Variants in SIPA1L3 observed in about 807,000 individuals in gnomAD.
The protein encoded by SIPA1L3 is signal-induced proliferation-associated 1-like protein 3.
A neutral mutation model predicts 150.1 loss-of-function variants in SIPA1L3; 59 were observed. That is an observed-to-expected ratio of 0.39 (90% CI 0.32 to 0.49). The LOEUF is 0.49. Among genes scored for constraint, SIPA1L3 ranks in the 20% least tolerant of loss-of-function variants. The pLI, the probability that SIPA1L3 is intolerant of heterozygous loss-of-function variation, is 0.86. For synonymous variants in SIPA1L3, 1,070 were observed against 1,077.6 expected (o/e 0.99, Z 0.14); for missense variants, 2,211 against 2,489.5 (o/e 0.89, Z 2.38).
intron 1 of SIPA1L3, among the ~76,000 whole-genome samples, chr19:38,022,812 G>T (rs8108521): frequency 0.047 from 7,112 of 152,338 alleles, 219 homozygotes; most frequent in African/African-American, 0.086. Flanking sequence ...AACCCAGAAA[G>T]AATTTGCACA....
At chr19:37,956,632 C>T (rs11667246) in intron 1 of SIPA1L3, among the ~76,000 whole-genome samples, 22,783 of 151,734 alleles carry the variant, frequency 0.15, 1,925 homozygotes, top group Middle Eastern at 0.28. Flanking sequence ...TACATGCACA[C>T]GCCACCATGC....
chr19:37,989,330 C>G (rs1967440435), intron 1 of SIPA1L3, among the ~76,000 whole-genome samples: 1 of 152,138 alleles, frequency 6.6e-6, no homozygotes, highest in East Asian at 1.9e-4. Flanking sequence ...AACCATCCTC[C>G]CACCTCAGCC....
At chr19:37,921,028 G>C (rs1249946027) in intron 1 of SIPA1L3, among the ~76,000 whole-genome samples, 5 of 152,174 alleles carry the variant, frequency 3.3e-5, no homozygotes, top group African/African-American at 1.2e-4. Flanking sequence ...GCCTTCCTCT[G>C]GTGGGTCTTT....
At chr19:37,925,491 G>A (rs1474431365) in intron 1 of SIPA1L3, among the ~76,000 whole-genome samples, 1 of 152,030 alleles carries the variant, frequency 6.6e-6, no homozygotes, top group Non-Finnish European at 1.5e-5. Context: ...AGGGATGAGG[G>A]TAGAGAGGAG....
intron 9 of SIPA1L3, among the ~76,000 whole-genome samples, chr19:38,121,794 C>G (rs1029772015): frequency 3.3e-5 from 5 of 151,986 alleles, no homozygotes; most frequent in Non-Finnish European, 5.9e-5. Flanking sequence ...GTGGTGCACA[C>G]TTGTGGCCTC....
At chr19:38,143,323 A>G (rs1971633864) in intron 12 of SIPA1L3, among the ~76,000 whole-genome samples, 1 of 151,860 alleles carries the variant, frequency 6.6e-6, no homozygotes, top group African/African-American at 2.4e-5. Flanking sequence ...AGCCACATCA[A>G]TCCTAGTCCT....
In SIPA1L3 at chr19:38,047,252, A is replaced by C. The variant is rs1969082902; in HGVS notation, c.-311+18096A>C. 6.6e-6 allele frequency among the ~76,000 whole-genome samples: 1 copy of C among 151,864 alleles called. No homozygotes were observed. The highest frequency in any genetic ancestry group is 1.5e-5 in the Non-Finnish European group (1 of 67,968). On this transcript the variant is annotated intron_variant, in intron 2 of 21. Coordinates refer to ENST00000222345, the MANE Select transcript of SIPA1L3 (RefSeq NM_015073.3). The surrounding 1 kb of genome is among the most constrained non-coding windows in gnomAD (Gnocchi z 4.7). ...CACACACGCACGCACACACGCACGC[A>C]CTCACACACACTCCTACACATTCCT...
chr19:37,921,363 A>G (rs2046456203), intron 1 of SIPA1L3, among the ~76,000 whole-genome samples: 1 of 152,106 alleles, frequency 6.6e-6, no homozygotes, highest in African/African-American at 2.4e-5. Flanking sequence ...GCTTCTCCTG[A>G]TGGTGTGCTG....
chr19:38,155,996 G>T (rs1050885447), intron 13 of SIPA1L3, among the ~76,000 whole-genome samples: 1 of 152,110 alleles, frequency 6.6e-6, no homozygotes, highest in Non-Finnish European at 1.5e-5. Flanking sequence ...CAGGAGAATC[G>T]CTTGAACACG....
intron 2 of SIPA1L3, among the ~76,000 whole-genome samples, chr19:38,041,332 G>A (rs546143494): frequency 2.2e-5 from 3 of 136,312 alleles, no homozygotes; most frequent in Non-Finnish European, 4.6e-5. Flanking sequence ...AGGCTGGAGT[G>A]CTATGTCATG....
In SIPA1L3 at chr19:38,167,218, C is replaced by T. The variant is rs534275014; in HGVS notation, c.4208+2312C>T. ...ACTGCACTCCAGCCTGGCAACAGAGCGAGATTCCATCTCAAAAAAAAAAAA... is the reference window on the plus strand; with the variant it reads ...ACTGCACTCCAGCCTGGCAACAGAGTGAGATTCCATCTCAAAAAAAAAAAA... On this transcript the variant is annotated intron_variant, in intron 15 of 21. Transcript: ENST00000222345. Among the ~76,000 whole-genome samples, 827 of 120,994 alleles carry T rather than the reference C, an allele frequency of 6.8e-3. 7 individuals are homozygous for T. Among genetic ancestry groups the T allele is most frequent in the South Asian group, 0.012 (41 of 3,518 alleles). The allele number at this position is 120,994 out of a possible 152,430, so 79.4% of individuals were successfully genotyped here.
At chr19:37,924,677 CAA>C (rs762052136) in intron 1 of SIPA1L3, among the ~76,000 whole-genome samples, 21 of 100,544 alleles carry the variant, frequency 2.1e-4, no homozygotes, top group Admixed American at 5.4e-4. Context: ...GACTCTATCT[CAA>C]AAAAAAAAAA....
At position 37,918,014 on chromosome 19, in the gene SIPA1L3, A is replaced by G. The variant is rs78773679; in HGVS notation, c.-379+10656A>G. On this transcript the variant is annotated intron_variant, in intron 1 of 21. Coordinates refer to ENST00000222345, the MANE Select transcript of SIPA1L3 (RefSeq NM_015073.3). ...AGAAAGACCCTGTCTCAAAAAAAAA[A>G]GAAGTCCCAGTTTGTCAGCATTAAT... Among the ~76,000 whole-genome samples, 1,049 of 151,962 alleles carry G rather than the reference A, an allele frequency of 6.9e-3. 35 individuals carry two copies. Among genetic ancestry groups the G allele is most frequent in the East Asian group, 0.067 (342 of 5,112 alleles).
intron 1 of SIPA1L3, among the ~76,000 whole-genome samples, chr19:37,973,489 T>C (rs1349841102): frequency 8.0e-6 from 1 of 124,662 alleles, no homozygotes; most frequent in Non-Finnish European, 1.6e-5. Flanking sequence ...CCCACCTCGG[T>C]CTCCCAAAGT....
chr19:37,929,612 T>C (rs1029608105), intron 1 of SIPA1L3, among the ~76,000 whole-genome samples: 1 of 152,114 alleles, frequency 6.6e-6, no homozygotes, highest in Admixed American at 6.6e-5. Context: ...GAGCACTCAC[T>C]CACTCTGCCC....
At chr19:38,115,957 C>T (rs145057713) in intron 8 of SIPA1L3, among the ~76,000 whole-genome samples, 4 of 152,244 alleles carry the variant, frequency 2.6e-5, no homozygotes, top group East Asian at 1.9e-4. Context: ...GGATGAGTGT[C>T]GCACTGTCGC....
At chr19:37,941,335 A>G (rs1177452399) in intron 1 of SIPA1L3, among the ~76,000 whole-genome samples, 2 of 152,032 alleles carry the variant, frequency 1.3e-5, no homozygotes, top group Admixed American at 1.3e-4. Flanking sequence ...TCCTCTAGAG[A>G]GAACCTGCCC....
chr19:38,049,520 C>T (rs1969141404), intron 2 of SIPA1L3, among the ~76,000 whole-genome samples: 1 of 152,146 alleles, frequency 6.6e-6, no homozygotes, highest in Non-Finnish European at 1.5e-5. Flanking sequence ...TCCAGGTTGC[C>T]CCTAGCTCCA....
At chr19:37,937,745 A>AAAAAAAAAAAAAAAAAAAAAAC (rs2046613771) in intron 1 of SIPA1L3, among the ~76,000 whole-genome samples, 1 of 119,898 alleles carries the variant, frequency 8.3e-6, no homozygotes, top group Admixed American at 8.6e-5. Flanking sequence ...CTGTCTCAAA[A>AAAAAAAAAAAAAAAAAAAAAAC]AAAAAAAAAA....
Sources: gnomAD v4.1 joint callset for allele counts (sites outside exome capture counted in the v4.1 genomes callset) on GRCh38, gnomAD v4.1.1 for gene constraint, Gnocchi (gnomAD v3.1) non-coding constraint, MANE v1.5 for transcripts, NCBI Gene and HGNC (gene_info 2026-07-23, HGNC 2026-07-21) for gene names.